The following CCDC152 variants were observed in gnomAD, a reference collection of about 807,000 sequenced individuals.
The protein encoded by CCDC152 is coiled-coil domain containing 152.
Under a neutral mutation model 38.1 loss-of-function variants are expected in CCDC152, and 37 were observed. The ratio of observed to expected loss-of-function variants is 0.97; its 90% CI spans 0.75 to 1.28. The LOEUF is 1.28. Ranked by LOEUF, CCDC152 falls within the 50% of genes most tolerant of loss-of-function variation. The pLI is 0.00. For synonymous variants in CCDC152, 83 were observed against 87.1 expected, an observed-to-expected ratio of 0.95 and a Z score of 0.26; for missense variants, 259 against 292.1, an observed-to-expected ratio of 0.89 and a Z score of 0.83.
chr5:42,788,567 T>C (rs1759955986), intron 6 of CCDC152, among the ~76,000 whole-genome samples: 1 of 152,044 alleles, frequency 6.6e-6, no homozygotes, highest in Non-Finnish European at 1.5e-5. Flanking sequence ...GTCCTTCATC[T>C]GTATGTCTCT....
chr5:42,787,972 T>A (rs1394514420), intron 6 of CCDC152, among the ~76,000 whole-genome samples: 3 of 152,182 alleles, frequency 2.0e-5, no homozygotes, highest in African/African-American at 7.2e-5. Context: ...TGTGGCATTT[T>A]GTTCCCTTTA....
At position 42,800,213 on chromosome 5, in the gene CCDC152, A is replaced by ATAGT. The variant is rs2111613556; in HGVS notation, c.*435_*438dup. On this transcript the variant is annotated 3_prime_UTR_variant, in exon 9 of 9. Coordinates refer to ENST00000361970, the MANE Select transcript of CCDC152 (RefSeq NM_001134848.2). Reference sequence around the variant, plus strand: ...TACAAAAGATAAATGGATATTTAAAATAGTTATATATGCTTTTTTAGCAAA... The same window carrying ATAGT: ...TACAAAAGATAAATGGATATTTAAAATAGTTAGTTATATATGCTTTTTTAGCAAA... The ATAGT allele has an allele frequency of 6.3e-6, 1 of 157,574 alleles. No individual in the cohort carries two copies. The highest frequency in any genetic ancestry group is 2.4e-5 in the African/African-American group (1 of 41,718). 9.8% of individuals were successfully genotyped at this position (157,574 alleles called of 1,614,324 possible).
Position 42,801,511 on chromosome 5 carries a change from A to G in CCDC152, c.*1730A>G. 1 of 538,280 alleles carries G rather than the reference A, an allele frequency of 1.9e-6. No homozygotes were observed. The highest frequency in any genetic ancestry group is 3.0e-5 in the East Asian group (1 of 33,450). The allele number at this position is 538,280 out of a possible 1,614,324, so 33.3% of individuals were successfully genotyped here. On this transcript the variant is annotated 3_prime_UTR_variant, in exon 9 of 9. Coordinates refer to ENST00000361970, the MANE Select transcript of CCDC152 (RefSeq NM_001134848.2). The stretch of plus-strand genomic sequence containing the variant: ...TCTCAACACCTAGACATTTTATTAA[A>G]GGCTTAAAAAGAAAGCCAAACCACT...
intron 6 of CCDC152, among the ~76,000 whole-genome samples, chr5:42,790,870 C>G (rs181693744): frequency 2.1e-4 from 32 of 152,234 alleles, no homozygotes; most frequent in Admixed American, 1.2e-3. Flanking sequence ...GTCATGAAAA[C>G]AGGGAGTCAA....
intron 6 of CCDC152, among the ~76,000 whole-genome samples, chr5:42,790,513 T>G (rs1246319096): frequency 6.6e-6 from 1 of 152,226 alleles, no homozygotes; most frequent in Non-Finnish European, 1.5e-5. Context: ...AATGAGTTAA[T>G]TTGGGTCCTC....
intron 3 of CCDC152, among the ~76,000 whole-genome samples, chr5:42,766,816 A>G (rs1370322552): frequency 6.6e-6 from 1 of 152,156 alleles, no homozygotes; most frequent in Non-Finnish European, 1.5e-5. Context: ...ATAAAAAAAT[A>G]GAAAGAATGA....
chr5:42,796,985 A>C (rs1321790960), intron 7 of CCDC152, 29 bp downstream of exon 7: 62 of 1,435,008 alleles, frequency 4.3e-5, no homozygotes, highest in Non-Finnish European at 5.5e-5. Flanking sequence ...GCTAAACTTG[A>C]GGACACATCC....
In CCDC152 at chr5:42,801,116, C is replaced by T. The variant is rs1579728794; in HGVS notation, c.*1335C>T. The T allele has an allele frequency of 5.6e-6, 9 of 1,613,978 alleles. No homozygotes were observed. The highest frequency in any genetic ancestry group is 1.3e-5 in the African/African-American group (1 of 74,900). ...CTGGGTGACCCTGCCTATGCTGACC[C>T]TTGTGCTTATGGTGGTGATGAAGGC... On this transcript the variant is annotated 3_prime_UTR_variant, in exon 9 of 9. Transcript: ENST00000361970.
intron 2 of CCDC152, among the ~76,000 whole-genome samples, chr5:42,760,532 T>C (rs1167833986): frequency 6.6e-6 from 1 of 152,200 alleles, no homozygotes; most frequent in Admixed American, 6.5e-5. Context: ...AAGTGTGTAT[T>C]GGGTTTATCC....
chr5:42,781,415 A>G (rs1022136965), intron 5 of CCDC152, among the ~76,000 whole-genome samples: 2 of 152,138 alleles, frequency 1.3e-5, no homozygotes, highest in African/African-American at 4.8e-5. Flanking sequence ...CTGAGATAAT[A>G]TGGAGGAATG....
At position 42,801,288 on chromosome 5, in the gene CCDC152, G is replaced by A. The variant is rs1369563741; in HGVS notation, c.*1507G>A. On this transcript the variant is annotated 3_prime_UTR_variant, in exon 9 of 9. Coordinates refer to ENST00000361970, the MANE Select transcript of CCDC152 (RefSeq NM_001134848.2). ...TGGAGTTTCAACTGTTTTATCCACA[G>A]TAGCCAAAGATACACGTTTACAAAA... 1.2e-6 allele frequency: 2 copies of A among 1,613,518 alleles called. No homozygotes were observed.
At chr5:42,759,630 G>A (rs186634656) in intron 2 of CCDC152, among the ~76,000 whole-genome samples, 4 of 152,148 alleles carry the variant, frequency 2.6e-5, no homozygotes, top group Non-Finnish European at 5.9e-5. Flanking sequence ...ATCTTCCATT[G>A]TCTCTGTCAG....
chr5:42,799,641 A>AT lies in CCDC152; in HGVS notation c.643-12dup. The AT allele has an allele frequency of 6.6e-7, 1 of 1,521,520 alleles. No homozygotes were observed. The highest frequency in any genetic ancestry group is 8.9e-7 in the Non-Finnish European group (1 of 1,128,114). 94.3% of individuals were successfully genotyped at this position (1,521,520 alleles called of 1,614,324 possible). ...TTTTATTTCTGAATTCTAATAACAA[A>AT]TTTTTTGTTTCGTTTAGAAACTTCA... On this transcript the variant is annotated splice_polypyrimidine_tract_variant and intron_variant, in intron 8 of 8. Transcript: ENST00000361970.
intron 3 of CCDC152, among the ~76,000 whole-genome samples, chr5:42,767,324 G>T (rs774162968): frequency 6.6e-6 from 1 of 152,060 alleles, no homozygotes; most frequent in Non-Finnish European, 1.5e-5. Context: ...TATTAGTATT[G>T]AGAATCAAGT....
intron 5 of CCDC152, among the ~76,000 whole-genome samples, chr5:42,780,019 G>A (rs759945363): frequency 6.6e-6 from 1 of 152,076 alleles, no homozygotes. Flanking sequence ...CTTATCTCCT[G>A]TAGGAACAGT....
chr5:42,767,823 T>G (rs563826721), intron 3 of CCDC152, among the ~76,000 whole-genome samples: 3 of 152,358 alleles, frequency 2.0e-5, no homozygotes, highest in Non-Finnish European at 4.4e-5. Context: ...TTCATTATTC[T>G]AAAAGGCACA....
At position 42,801,545 on chromosome 5, in the gene CCDC152, A is replaced by G; in HGVS notation, c.*1764A>G. On this transcript the variant is annotated 3_prime_UTR_variant, in exon 9 of 9. Transcript: ENST00000361970. The stretch of plus-strand genomic sequence containing the variant: ...AAGAAAGCCAAACCACTGTACTTAT[A>G]TTTGCAGAAGCAAATGAAGTAAACT... 2.1e-6 allele frequency: 1 copy of G among 475,996 alleles called. No homozygotes were observed. 29.5% of individuals were successfully genotyped at this position (475,996 alleles called of 1,614,324 possible).
chr5:42,788,301 A>G (rs1244050311), intron 6 of CCDC152, among the ~76,000 whole-genome samples: 1 of 151,440 alleles, frequency 6.6e-6, no homozygotes, highest in Non-Finnish European at 1.5e-5. Flanking sequence ...AGTCTGCCAT[A>G]TAATCATTAG....
rs927415444 is a variant in CCDC152 at position 42,800,437 on chromosome 5, G to A, written c.*656G>A. On this transcript the variant is annotated 3_prime_UTR_variant, in exon 9 of 9. Transcript: ENST00000361970. Reference sequence around the variant, plus strand: ...CAGAAACCCCTAGGTCATAGTTTACGTTTCTATTCTCATTAAAGCAAATAG... The same window carrying A: ...CAGAAACCCCTAGGTCATAGTTTACATTTCTATTCTCATTAAAGCAAATAG... 2.6e-5 allele frequency: 7 copies of A among 273,312 alleles called. No homozygotes were observed. The highest frequency in any genetic ancestry group is 2.3e-4 in the East Asian group (3 of 13,220). The allele number at this position is 273,312 out of a possible 1,614,324, so 16.9% of individuals were successfully genotyped here.
Sources: allele counts gnomAD v4.1 joint callset (sites outside exome capture counted in the v4.1 genomes callset), GRCh38; gene constraint gnomAD v4.1.1; transcripts MANE v1.5; gene names NCBI Gene and HGNC (gene_info 2026-07-23, HGNC 2026-07-21).